RYR2: variants seen among roughly 807,000 people sequenced by gnomAD.
RYR2 encodes ryanodine receptor 2.
In RYR2, 227 loss-of-function variants were observed where a neutral mutation model predicts 601.1. The ratio of observed to expected loss-of-function variants is 0.38; its 90% CI spans 0.34 to 0.42. The LOEUF (loss-of-function observed/expected upper bound fraction) is 0.42. Among genes scored for constraint, RYR2 ranks in the 10% least tolerant of loss-of-function variants. The probability of loss-of-function intolerance (pLI) is 1.00; values close to 1 mark genes in which losing one functional copy is unlikely to be tolerated. For synonymous variants in RYR2, 2,223 were observed against 2,175.1 expected, an observed-to-expected ratio of 1.02 and a Z score of -0.61; for missense variants, 4,646 against 6,156.5, an observed-to-expected ratio of 0.75 and a Z score of 8.21.
chr1:237,624,783 G>A (rs1679464968), intron 39 of RYR2, among the ~76,000 whole-genome samples: 2 of 152,116 alleles, frequency 1.3e-5, no homozygotes, highest in Admixed American at 1.3e-4. Flanking sequence ...GTGTGGATAA[G>A]GTCTGATGAT....
intron 1 of RYR2, among the ~76,000 whole-genome samples, chr1:237,127,365 G>A (rs1216837845): frequency 6.6e-6 from 1 of 151,368 alleles, no homozygotes; most frequent in East Asian, 2.0e-4. Context: ...GGGCGGCTGG[G>A]CAGAGGCGCC....
At chr1:237,338,956 T>C (rs1697500958) in intron 3 of RYR2, among the ~76,000 whole-genome samples, 1 of 152,190 alleles carries the variant, frequency 6.6e-6, no homozygotes. Flanking sequence ...ATTTCTCAAA[T>C]GGCAGGGCTA....
chr1:237,550,776 T>C (rs1036555176), intron 27 of RYR2, 85 bp downstream of exon 27: 1 of 1,376,268 alleles, frequency 7.3e-7, no homozygotes, highest in African/African-American at 1.5e-5. Context: ...AAAGGGGGAG[T>C]ACTGGATAGA....
chr1:237,586,846 A>G (rs1674583648), intron 29 of RYR2, among the ~76,000 whole-genome samples: 1 of 152,012 alleles, frequency 6.6e-6, no homozygotes, highest in Non-Finnish European at 1.5e-5. Context: ...CAGCCTCCCA[A>G]GTAACTGGGA....
At chr1:237,481,809 C>CAAAAA (rs553197529) in intron 17 of RYR2, among the ~76,000 whole-genome samples, 3 of 46,890 alleles carry the variant, frequency 6.4e-5, no homozygotes, top group Admixed American at 2.8e-4. Flanking sequence ...TGCTGTGTAG[C>CAAAAA]AAAAAAAAAA....
chr1:237,165,340 G>A (rs1676583331), intron 1 of RYR2, among the ~76,000 whole-genome samples: 1 of 152,050 alleles, frequency 6.6e-6, no homozygotes, highest in Non-Finnish European at 1.5e-5. Flanking sequence ...CAAGTTCATG[G>A]GCAGACTCCT....
At chr1:237,753,304 C>T (rs920148536) in intron 80 of RYR2, among the ~76,000 whole-genome samples, 7 of 152,172 alleles carry the variant, frequency 4.6e-5, no homozygotes, top group Non-Finnish European at 5.9e-5. Context: ...ATTTTTTTCT[C>T]ACATAAGACA....
chr1:237,213,208 C>G (rs549038819), intron 1 of RYR2, among the ~76,000 whole-genome samples: 1 of 150,444 alleles, frequency 6.6e-6, no homozygotes, highest in Non-Finnish European at 1.5e-5. Context: ...CACAGAGTCT[C>G]GCTCTGTCAT....
intron 1 of RYR2, among the ~76,000 whole-genome samples, chr1:237,268,956 A>AC (rs1689385080): frequency 7.5e-6 from 1 of 132,914 alleles, no homozygotes; most frequent in Non-Finnish European, 1.7e-5. Flanking sequence ...AAAAAAAAAA[A>AC]AAAAAGGAAA....
intron 27 of RYR2, among the ~76,000 whole-genome samples, chr1:237,565,985 G>A (rs1227112783): frequency 6.6e-6 from 1 of 152,146 alleles, no homozygotes; most frequent in African/African-American, 2.4e-5. Flanking sequence ...GCAGATCACA[G>A]TGAAGATGTA....
At chr1:237,401,122 A>G (rs1703313182) in intron 10 of RYR2, among the ~76,000 whole-genome samples, 2 of 152,204 alleles carry the variant, frequency 1.3e-5, no homozygotes, top group African/African-American at 4.8e-5. Context: ...TCGTCTGTCA[A>G]TTCTGCAAGA....
intron 5 of RYR2, among the ~76,000 whole-genome samples, chr1:237,365,555 G>A (rs939440600): frequency 2.0e-5 from 3 of 152,258 alleles, no homozygotes; most frequent in South Asian, 2.1e-4. Flanking sequence ...AAGAGAGGAC[G>A]TTAATCCCTA....
At chr1:237,500,690 T>C in intron 20 of RYR2, 21 bp from the exon 21 acceptor site, 1 of 1,564,996 alleles carries the variant, frequency 6.4e-7, no homozygotes, top group Non-Finnish European at 8.7e-7. Context: ...ATGACCTTCC[T>C]TAATGTTTTC....
chr1:237,564,390 C>T (rs751940165), intron 27 of RYR2, among the ~76,000 whole-genome samples: 12 of 152,126 alleles, frequency 7.9e-5, no homozygotes, highest in African/African-American at 2.7e-4. Context: ...CCTGCTCAGC[C>T]TCCCAAGTAG....
At chr1:237,694,406 C>A (rs1433790950) in intron 63 of RYR2, among the ~76,000 whole-genome samples, 1 of 151,916 alleles carries the variant, frequency 6.6e-6, no homozygotes, top group South Asian at 2.1e-4. Context: ...TTCAATCATG[C>A]GCAATCTGTA....
At chr1:237,772,804 G>A (rs977287749) in intron 86 of RYR2, among the ~76,000 whole-genome samples, 2 of 151,810 alleles carry the variant, frequency 1.3e-5, no homozygotes, top group Non-Finnish European at 2.9e-5. Context: ...GTGGGGGAAG[G>A]TGCATTTTGA....
intron 1 of RYR2, among the ~76,000 whole-genome samples, chr1:237,112,727 G>A (rs1405750253): frequency 2.0e-5 from 3 of 152,044 alleles, no homozygotes; most frequent in Non-Finnish European, 4.4e-5. Context: ...CTCCACTTTT[G>A]TTTGATTTAT....
rs147492394 is a variant in RYR2, at chr1:237,792,376, T to C, written c.13782+53T>C. 7,057 of 768,026 alleles carry C rather than the reference T, an allele frequency of 9.2e-3. 132 individuals carry two copies. Among genetic ancestry groups the C allele is most frequent in the East Asian group, 0.024 (771 of 32,640 alleles). 47.6% of individuals were successfully genotyped at this position (768,026 alleles called of 1,614,324 possible). On this transcript the variant is annotated intron_variant, in intron 94 of 104. Coordinates refer to ENST00000366574, the MANE Select transcript of RYR2 (RefSeq NM_001035.3). ...GTGTGTGTGTGTGTGTGTGTGTGTG[T>C]GTGTGCGTGTGTGTGTGTGTGCGTG... is the stretch of plus-strand genomic sequence containing the variant.
At chr1:237,607,990 C>A (rs910249171) in intron 35 of RYR2, among the ~76,000 whole-genome samples, 1 of 152,144 alleles carries the variant, frequency 6.6e-6, no homozygotes, top group Non-Finnish European at 1.5e-5. Context: ...AATTTACATA[C>A]AATATACATA....
Sources: gnomAD v4.1 joint callset for allele counts (sites outside exome capture counted in the v4.1 genomes callset) on GRCh38, gnomAD v4.1.1 for gene constraint, MANE v1.5 for transcripts, NCBI Gene and HGNC (gene_info 2026-07-23, HGNC 2026-07-21) for gene names.